FAM81A: variants seen among roughly 807,000 people sequenced by gnomAD.
FAM81A encodes family with sequence similarity 81 member A.
A neutral mutation model predicts 46.7 loss-of-function variants in FAM81A; 19 were observed. That is an observed-to-expected ratio of 0.41 (90% CI 0.28 to 0.60). FAM81A has a LOEUF of 0.60. Ranked by LOEUF, FAM81A falls within the 20% of genes least tolerant of loss-of-function variation. The pLI, the probability that FAM81A is intolerant of heterozygous loss-of-function variation, is 0.34. For synonymous variants in FAM81A, 183 were observed against 152.9 expected (o/e 1.20, Z -1.45); for missense variants, 377 against 453.5 (o/e 0.83, Z 1.53).
chr15:59,426,284 TG>T, intron 2 of FAM81A, among the ~76,000 whole-genome samples: 1 of 151,852 alleles, frequency 6.6e-6, no homozygotes, highest in African/African-American at 2.4e-5. Context: ...CTCCTAACTC[TG>T]GATTAAAAAA....
intron 6 of FAM81A, among the ~76,000 whole-genome samples, chr15:59,509,238 A>T (rs1392357699): frequency 1.3e-5 from 2 of 152,214 alleles, no homozygotes; most frequent in African/African-American, 4.8e-5. Flanking sequence ...ATGAACACAA[A>T]CCAGACTCTG....
intron 3 of FAM81A, among the ~76,000 whole-genome samples, chr15:59,471,617 A>G (rs1011298615): frequency 7.0e-6 from 1 of 142,300 alleles, no homozygotes; most frequent in Non-Finnish European, 1.5e-5. Context: ...ACATGCTACC[A>G]TGCCCTGCTA....
intron 6 of FAM81A, among the ~76,000 whole-genome samples, chr15:59,510,309 C>T (rs1487735785): frequency 6.0e-5 from 9 of 149,592 alleles, no homozygotes; most frequent in Admixed American, 6.0e-4. Flanking sequence ...GAGGTTGCAG[C>T]AGTGAGCCGA....
At chr15:59,425,312 G>A (rs1201150539) in intron 2 of FAM81A, among the ~76,000 whole-genome samples, 5 of 152,116 alleles carry the variant, frequency 3.3e-5, no homozygotes, top group African/African-American at 1.2e-4. Flanking sequence ...CCAAATCATC[G>A]ACTTGGTGAG....
chr15:59,480,437 T>C (rs2141711290), intron 3 of FAM81A, among the ~76,000 whole-genome samples: 1 of 152,262 alleles, frequency 6.6e-6, no homozygotes, highest in Non-Finnish European at 1.5e-5. Context: ...ATACAGCACA[T>C]TGAGGCTCCC....
intron 1 of FAM81A, among the ~76,000 whole-genome samples, chr15:59,452,664 A>G (rs1388223928): frequency 6.6e-6 from 1 of 152,212 alleles, no homozygotes; most frequent in Non-Finnish European, 1.5e-5. Context: ...AAAATTTTTA[A>G]TGGTGATGTA....
chr15:59,410,958 C>A (rs769543814), intron 2 of FAM81A, among the ~76,000 whole-genome samples: 1 of 152,122 alleles, frequency 6.6e-6, no homozygotes, highest in Non-Finnish European at 1.5e-5. Flanking sequence ...CCATGTTGGT[C>A]AGGCTGGTCT....
chr15:59,473,725 C>G (rs1293312185), intron 3 of FAM81A, among the ~76,000 whole-genome samples: 1 of 152,262 alleles, frequency 6.6e-6, no homozygotes, highest in South Asian at 2.1e-4. Context: ...AAATCCTGGT[C>G]TTAATTTTTT....
Position 59,522,869 on chromosome 15 carries a change from A to AT in FAM81A, c.*1501dup, listed in dbSNP as rs547987759. 4.7e-3 allele frequency: 715 copies of AT among 151,122 alleles called. 8 individuals are homozygous for AT. The highest frequency in any genetic ancestry group is 5.3e-3 in the Non-Finnish European group (358 of 67,568). The allele number at this position is 151,122 out of a possible 1,614,324, so 9.4% of individuals were successfully genotyped here. ...ATATTTTGCTGTCAATGGCTTGACAATTTTTTTTTTCAAATTTGGACATGA... is the reference window on the plus strand; with the variant it reads ...ATATTTTGCTGTCAATGGCTTGACAATTTTTTTTTTTCAAATTTGGACATGA... On this transcript the variant is annotated 3_prime_UTR_variant, in exon 9 of 9. Transcript: ENST00000288228.
rs779966053 is a variant in FAM81A, at chr15:59,458,581, G to C, written c.-46G>C. On this transcript the variant is annotated 5_prime_UTR_variant, in exon 2 of 9. Transcript: ENST00000288228. ...ATTATTAAAAAGAAAATGGCCCAAC[G>C]GAGCACTGTATTTCCTTCTCGTGTC... The C allele has an allele frequency of 1.2e-6, 2 of 1,613,286 alleles. No homozygotes were observed. Among genetic ancestry groups the C allele is most frequent in the African/African-American group, 1.3e-5 (1 of 74,878 alleles).
intron 5 of FAM81A, among the ~76,000 whole-genome samples, chr15:59,507,553 G>T (rs1210579110): frequency 1.3e-5 from 2 of 152,022 alleles, no homozygotes; most frequent in Admixed American, 6.6e-5. Context: ...AAATTGTTTG[G>T]TATAGTCCTA....
chr15:59,450,900 G>A (rs953937670), intron 1 of FAM81A, among the ~76,000 whole-genome samples: 1 of 152,214 alleles, frequency 6.6e-6, no homozygotes, highest in Admixed American at 6.5e-5. Context: ...CTGAGTACAC[G>A]TGACTGTCAG....
rs2081181980 is a variant in FAM81A at position 59,423,216 on chromosome 15, G to A, written c.-78+20858G>A. 2.6e-5 allele frequency among the ~76,000 whole-genome samples: 4 copies of A among 152,108 alleles called. No individual in the cohort carries two copies. The South Asian group carries it at 8.3e-4, about 31-fold the overall frequency. ...AAGTTCACGCCATTCTCCTGCCTCA[G>A]CCTCCCTAGCAGCTTGGGACTACAG... is the stretch of plus-strand genomic sequence containing the variant. On this transcript the variant is annotated intron_variant, in intron 2 of 4. Transcript: ENST00000558348.
At chr15:59,482,635 G>A (rs1165468599) in intron 3 of FAM81A, among the ~76,000 whole-genome samples, 1 of 152,132 alleles carries the variant, frequency 6.6e-6, no homozygotes, top group Non-Finnish European at 1.5e-5. Flanking sequence ...CTGGAGATGG[G>A]GTCCAAGAAT....
intron 1 of FAM81A, chr15:59,444,311 G>T (rs566953644): frequency 6.6e-6 from 1 of 152,260 alleles, no homozygotes; most frequent in Non-Finnish European, 1.5e-5. Context: ...GAAGAGTCAG[G>T]TGGGTGTTGG....
At chr15:59,431,499 C>T (rs59773453) in intron 2 of FAM81A, among the ~76,000 whole-genome samples, 2,035 of 150,510 alleles carry the variant, frequency 0.014, 45 homozygotes, top group African/African-American at 0.046. Context: ...TCCCACAGTG[C>T]TGGGATTACA....
intron 6 of FAM81A, among the ~76,000 whole-genome samples, chr15:59,512,332 C>T (rs2082219516): frequency 6.6e-6 from 1 of 151,788 alleles, no homozygotes; most frequent in African/African-American, 2.4e-5. Flanking sequence ...ATTAGCTGGG[C>T]ATGGTGGTGC....
At chr15:59,510,198 T>C (rs1184762029) in intron 6 of FAM81A, among the ~76,000 whole-genome samples, 2 of 151,934 alleles carry the variant, frequency 1.3e-5, no homozygotes, top group African/African-American at 4.8e-5. Flanking sequence ...AAACCCTGTC[T>C]CTACTAAAAA....
intron 1 of FAM81A, among the ~76,000 whole-genome samples, chr15:59,440,691 C>T (rs8042859): frequency 2.6e-4 from 40 of 152,346 alleles, no homozygotes; most frequent in African/African-American, 9.1e-4. Flanking sequence ...CCACATACTG[C>T]TCTGGATTTT....
Sources: gnomAD v4.1 joint callset for allele counts (sites outside exome capture counted in the v4.1 genomes callset) on GRCh38, gnomAD v4.1.1 for gene constraint, MANE v1.5 for transcripts, NCBI Gene and HGNC (gene_info 2026-07-23, HGNC 2026-07-21) for gene names.